CKMT1A: variants seen among roughly 807,000 people sequenced by gnomAD.
CKMT1A encodes the protein creatine kinase U-type, mitochondrial.
In CKMT1A, 23 loss-of-function variants were observed where a neutral mutation model predicts 21.8. The observed-to-expected ratio is 1.05, with a 90% confidence interval of 0.76 to 1.49. The LOEUF is 1.49. Ranked by LOEUF, CKMT1A falls within the 40% of genes most tolerant of loss-of-function variation. CKMT1A has a pLI of 0.00. For missense variants in CKMT1A, 154 were observed against 229.4 expected, an observed-to-expected ratio of 0.67 and a Z score of 2.12; for synonymous variants, 67 against 80.4, an observed-to-expected ratio of 0.83 and a Z score of 0.89.
chr15:43,698,165 G>T lies in CKMT1A; in HGVS notation c.1011+17G>T. On this transcript the variant is annotated intron_variant, in intron 7 of 8. Transcript: ENST00000413453. ...CTAAGCAAAGTAAAGGAGTTGTGGG[G>T]TTACAGAGGGGTGTGAGTAAGGAAG... is the stretch of plus-strand genomic sequence containing the variant. The T allele has an allele frequency of 6.2e-7, 1 of 1,601,552 alleles. No homozygotes were observed. The highest frequency in any genetic ancestry group is 8.5e-7 in the Non-Finnish European group (1 of 1,173,602).
chr15:43,697,203 G>C, intron 6 of CKMT1A: 1 of 1,228,028 alleles, frequency 8.1e-7, no homozygotes, highest in Non-Finnish European at 1.1e-6. Flanking sequence ...TTAGGTTGTT[G>C]TGGGGATTAA....
In CKMT1A at chr15:43,699,194, T is replaced by G. The variant is rs1217945601; in HGVS notation, c.*105T>G. 2 of 1,580,402 alleles carry G rather than the reference T, an allele frequency of 1.3e-6. No homozygotes were observed. Among genetic ancestry groups the G allele is most frequent in the African/African-American group, 2.7e-5 (2 of 73,076 alleles). ...CCTGCCCTCGCATCCCCTGCCTCCA[T>G]CCTAGTAAAGACTCCTTGCTATGCT... On this transcript the variant is annotated 3_prime_UTR_variant, in exon 9 of 9. Transcript: ENST00000413453.
chr15:43,696,589 AG>A (rs2086450236), intron 6 of CKMT1A: 1 of 673,068 alleles, frequency 1.5e-6, no homozygotes, highest in Admixed American at 3.1e-5. Context: ...CAGGAACCTT[AG>A]AAAGTGAAGA....
At chr15:43,698,832 G>C in intron 8 of CKMT1A, 66 bp downstream of exon 8, 4 of 1,607,892 alleles carry the variant, frequency 2.5e-6, no homozygotes, top group Non-Finnish European at 3.4e-6. Flanking sequence ...ATGGCAGTGA[G>C]TGAGCCTCCG....
In CKMT1A at chr15:43,699,193, A is replaced by G; in HGVS notation, c.*104A>G. ...ACCTGCCCTCGCATCCCCTGCCTCC[A>G]TCCTAGTAAAGACTCCTTGCTATGC... On this transcript the variant is annotated 3_prime_UTR_variant, in exon 9 of 9. Coordinates refer to ENST00000413453, the MANE Select transcript of CKMT1A (RefSeq NM_001321926.2). 3 of 1,580,408 alleles carry G rather than the reference A, an allele frequency of 1.9e-6. No homozygotes were observed. Among genetic ancestry groups the G allele is most frequent in the Admixed American group, 1.7e-5 (1 of 58,968 alleles).
At chr15:43,696,643 G>A (rs28433760) in intron 6 of CKMT1A, 63,682 of 521,030 alleles carry the variant, frequency 0.12, 5,602 homozygotes, top group East Asian at 0.25. Flanking sequence ...TGGCACGTCA[G>A]TGCCTGGGAT....
intron 6 of CKMT1A, 119 bp downstream of exon 6, chr15:43,696,482 T>A: frequency 6.7e-7 from 1 of 1,497,798 alleles, no homozygotes; most frequent in Non-Finnish European, 9.1e-7. Context: ...TAAAAAGGAC[T>A]ACCTAGGACT....
intron 4 of CKMT1A, 47 bp from the exon 5 acceptor site, chr15:43,695,992 G>T: frequency 2.5e-6 from 1 of 402,134 alleles, no homozygotes; most frequent in Non-Finnish European, 4.2e-6. Context: ...GAAAGGCCCA[G>T]GGGCCACCAT....
At chr15:43,698,497 G>C in intron 7 of CKMT1A, 144 bp from the exon 8 acceptor site, 1 of 1,113,756 alleles carries the variant, frequency 9.0e-7, no homozygotes, top group Non-Finnish European at 1.2e-6. Context: ...GTGACAGAGA[G>C]AGACCCTGTC....
chr15:43,696,784 T>C (rs1287686634), intron 6 of CKMT1A: 1 of 239,208 alleles, frequency 4.2e-6, no homozygotes, highest in African/African-American at 2.3e-5. Context: ...AGGCCTTGAC[T>C]CTGGATTCTA....
chr15:43,697,149 A>T, intron 6 of CKMT1A: 1 of 1,006,696 alleles, frequency 9.9e-7, no homozygotes. Flanking sequence ...TATATGCCTC[A>T]GTTTCCTCAT....
At position 43,696,252 on chromosome 15, in the gene CKMT1A, G is replaced by A; in HGVS notation, c.765G>A (p.Glu255=). 2 of 1,586,678 alleles carry A rather than the reference G, an allele frequency of 1.3e-6. No homozygotes were observed. Among genetic ancestry groups the A allele is most frequent in the South Asian group, 1.1e-5 (1 of 89,610 alleles). ...PDARGIWHNN[E]KSFLIWVNEE... ...CTCCGGCCCTCAGGCACAACAATGA[G>A]AAGAGCTTCCTGATCTGGGTGAATG... The change falls in exon 6 of 9, where the codon GAG becomes GAA. Residue 255 remains glutamate (E), a synonymous_variant. Coordinates refer to ENST00000413453, the MANE Select transcript of CKMT1A (RefSeq NM_001321926.2).
chr15:43,698,162 G>T lies in CKMT1A; in HGVS notation c.1011+14G>T. On this transcript the variant is annotated intron_variant, in intron 7 of 8. Coordinates refer to ENST00000413453, the MANE Select transcript of CKMT1A (RefSeq NM_001321926.2). ...CTGCTAAGCAAAGTAAAGGAGTTGT[G>T]GGGTTACAGAGGGGTGTGAGTAAGG... The T allele has an allele frequency of 6.2e-7, 1 of 1,603,796 alleles. No individual in the cohort carries two copies. Among genetic ancestry groups the T allele is most frequent in the African/African-American group, 1.3e-5 (1 of 74,464 alleles).
rs2086444965 is a variant in CKMT1A at position 43,696,376 on chromosome 15, T to C, written c.876+13T>C. 5 of 1,610,862 alleles carry C rather than the reference T, an allele frequency of 3.1e-6. No homozygotes were observed. In the Admixed American group the frequency reaches 8.4e-5, roughly 27 times the overall value. On this transcript the variant is annotated intron_variant, in intron 6 of 8. Coordinates refer to ENST00000413453, the MANE Select transcript of CKMT1A (RefSeq NM_001321926.2). ...AGGCCTCAAAGAGGTTAGAGAAGAT[T>C]GTGTAGGGGAGCTAGGTGGGAGGAC...
intron 6 of CKMT1A, chr15:43,697,766 C>T (rs983563571): frequency 3.2e-5 from 32 of 984,802 alleles, no homozygotes; most frequent in Middle Eastern, 5.2e-4. Context: ...ACCACGCCTT[C>T]GAGTTTTCTT....
chr15:43,696,519 G>T, intron 6 of CKMT1A, 156 bp downstream of exon 6: 1 of 1,189,580 alleles, frequency 8.4e-7, no homozygotes, highest in South Asian at 1.6e-5. Flanking sequence ...GTATAAACCA[G>T]CTGGGACCAT....
intron 6 of CKMT1A, chr15:43,697,108 A>G (rs2086458553): frequency 1.7e-6 from 1 of 605,216 alleles, no homozygotes. Flanking sequence ...ACATATTCTG[A>G]CTATGAGTGG....
rs2086449283 is a variant in CKMT1A, at chr15:43,696,555, AC to A, written c.876+193del. ...ACTGGGAAAACCAGGACATGTGGTC[AC>A]ACTAAGATTAGGAAAAGAGTGTCAG... On this transcript the variant is annotated intron_variant, in intron 6 of 8. Transcript: ENST00000413453. The A allele has an allele frequency of 6.0e-6, 5 of 835,732 alleles. No homozygotes were observed. In the East Asian group the frequency reaches 1.3e-4, roughly 22 times the overall value. 51.8% of individuals were successfully genotyped at this position (835,732 alleles called of 1,614,324 possible). A position where few individuals can be genotyped will look rare whatever the true frequency, so the allele number is the denominator to read the frequency against.
Position 43,698,633 on chromosome 15 carries a change from C to A in CKMT1A, c.1012-8C>A. The A allele has an allele frequency of 6.2e-7, 1 of 1,611,568 alleles. No homozygotes were observed. The highest frequency in any genetic ancestry group is 8.5e-7 in the Non-Finnish European group (1 of 1,178,628). Reference sequence around the variant, plus strand: ...TGACCCTGCTCCCAATCCCTATCTCCTCTCTAGGATAGCCGCTTCCCAAAG... The same window carrying A: ...TGACCCTGCTCCCAATCCCTATCTCATCTCTAGGATAGCCGCTTCCCAAAG... On this transcript the variant is annotated splice_region_variant and splice_polypyrimidine_tract_variant and intron_variant, in intron 7 of 8. Coordinates refer to ENST00000413453, the MANE Select transcript of CKMT1A (RefSeq NM_001321926.2).
Sources: allele counts gnomAD v4.1 joint callset, GRCh38; gene constraint gnomAD v4.1.1; transcripts MANE v1.5; gene names NCBI Gene and HGNC (gene_info 2026-07-23, HGNC 2026-07-21).